OR51S1: variants seen among roughly 807,000 people sequenced by gnomAD.
The protein encoded by OR51S1 is olfactory receptor 51S1.
A neutral mutation model predicts 0.3 loss-of-function variants in OR51S1; 1 was observed. That is an observed-to-expected ratio of 3.51 (90% CI 1.25 to 16.67). OR51S1 has a LOEUF of 16.67. Among genes scored for constraint, OR51S1 ranks in the 30% most tolerant of loss-of-function variants. The pLI is 0.12. For synonymous variants in OR51S1, 180 were observed against 159.4 expected (o/e 1.13, Z -0.97); for missense variants, 479 against 393.8 (o/e 1.22, Z -1.83).
In OR51S1 at chr11:4,848,716, G is replaced by A; in HGVS notation, c.493C>T (p.Leu165=). 5 of 1,614,116 alleles carry A rather than the reference G, an allele frequency of 3.1e-6. No homozygotes were observed. Among genetic ancestry groups the A allele is most frequent in the Non-Finnish European group, 4.2e-6 (5 of 1,180,012 alleles). The change falls in exon 1 of 1, where the codon CTG becomes TTG. Residue 165 remains leucine, a synonymous_variant. Transcript: ENST00000322101. ...TAGGCCAGCAGGAATGGCAGGGGCA[G>A]ATGGAGACCCAGGCATCGAAAAGAA... The part of the protein sequence containing the change: ...AISFRCLGLH[L]PLPFLLAYMP...
Position 4,848,590 on chromosome 11 carries a change from G to A in OR51S1, c.619C>T (p.Leu207=), listed in dbSNP as rs767120829. The change falls in exon 1 of 1, where the codon CTA becomes TTA. Residue 207 remains leucine, a synonymous_variant. Transcript: ENST00000322101. ...CPEAWGAAYS[L]FVVLSAMGLD... ...CCCATGGCTGAAAGAACCACAAATAGGCTGTAGGCTGCACCCCAAGCTTCT... is the reference window on the plus strand; with the variant it reads ...CCCATGGCTGAAAGAACCACAAATAAGCTGTAGGCTGCACCCCAAGCTTCT... 1 of 1,606,156 alleles carries A rather than the reference G, an allele frequency of 6.2e-7. No individual in the cohort carries two copies.
At position 4,848,989 on chromosome 11, in the gene OR51S1, G is replaced by A. The variant is rs1420042132; in HGVS notation, c.220C>T (p.Leu74Phe). ...ACCAATCCAATATCAGACACACTAA[G>A]CAAGAAGAGGAAGAAGTGCATTGGG... ...HRPMHFFLFL[L>F]SVSDIGLVTA... Residue 74 changes from leucine to phenylalanine, a missense_variant, in exon 1 of 1, where the codon CTT becomes TTT. By Grantham distance (22) the Leu-to-Phe change is conservative. Transcript: ENST00000322101. The A allele has an allele frequency of 4.3e-6, 7 of 1,614,158 alleles. No homozygotes were observed. The highest frequency in any genetic ancestry group is 1.1e-5 in the South Asian group (1 of 91,078).
At position 4,848,552 on chromosome 11, in the gene OR51S1, C is replaced by T. The variant is rs1194979696; in HGVS notation, c.657G>A (p.Leu219=). ...VVLSAMGLDP[L]LIFFSYGLIG... is the part of the protein sequence containing the mutation. ...TCAGGCCATAGGAGAAGAAAATAAG[C>T]AGGGGGTCCAAACCCATGGCTGAAA... The change falls in exon 1 of 1, where the codon CTG becomes CTA. Residue 219 remains leucine (L), a synonymous_variant. Coordinates refer to ENST00000322101, the MANE Select transcript of OR51S1 (RefSeq NM_001004758.1). 2 of 1,611,530 alleles carry T rather than the reference C, an allele frequency of 1.2e-6. No individual in the cohort carries two copies. The highest frequency in any genetic ancestry group is 1.7e-6 in the Non-Finnish European group (2 of 1,178,912).
chr11:4,848,532 C>A lies in OR51S1; in HGVS notation c.677G>T (p.Gly226Val). 1.2e-6 allele frequency: 2 copies of A among 1,613,034 alleles called. No homozygotes were observed. The highest frequency in any genetic ancestry group is 1.7e-6 in the Non-Finnish European group (2 of 1,179,528). ...LDPLLIFFSY[G>V]LIGKVLQGVE... ...ACCTTGCAACACCTTGCCAATCAGG[C>A]CATAGGAGAAGAAAATAAGCAGGGG... The change falls in exon 1 of 1, where the codon GGC becomes GTC. Residue 226 changes from glycine to valine, a missense_variant. Gly to Val is a moderately radical substitution (Grantham distance 109). Coordinates refer to ENST00000322101, the MANE Select transcript of OR51S1 (RefSeq NM_001004758.1).
In OR51S1 at chr11:4,848,450, AG is replaced by A; in HGVS notation, c.758del (p.Ser253LeufsTer10). The A allele has an allele frequency of 6.2e-7, 1 of 1,613,816 alleles. No individual in the cohort carries two copies. The highest frequency in any genetic ancestry group is 1.1e-5 in the South Asian group (1 of 91,052). ...TAGGGATATAGAAGAGGAGCACTGC[AG>A]AGAGGTGGGCAGCACAGGTTTGACC... is the stretch of plus-strand genomic sequence containing the variant. ...KAGQTCAAHLSAVLLFYIPMI... is the reference protein window; with the variant it reads ...KAGQTCAAHLXAVLLFYIPMI... On this transcript the variant is annotated frameshift_variant, in exon 1 of 1. Transcript: ENST00000322101. LOFTEE classifies it low-confidence loss of function (END_TRUNC).
Position 4,848,462 on chromosome 11 carries a change from A to ACT in OR51S1, c.746_747insAG (p.Ala250ValfsTer14). 3 of 1,613,800 alleles carry ACT rather than the reference A, an allele frequency of 1.9e-6. No individual in the cohort carries two copies. The highest frequency in any genetic ancestry group is 2.5e-6 in the Non-Finnish European group (3 of 1,179,824). Reference sequence around the variant, plus strand: ...AGAGGAGCACTGCAGAGAGGTGGGCAGCACAGGTTTGACCAGCCTTCCAGC... The same window carrying ACT: ...AGAGGAGCACTGCAGAGAGGTGGGCACTGCACAGGTTTGACCAGCCTTCCAGC... On this transcript the variant is annotated frameshift_variant, in exon 1 of 1. Coordinates refer to ENST00000322101, the MANE Select transcript of OR51S1 (RefSeq NM_001004758.1). LOFTEE classifies it low-confidence loss of function (END_TRUNC).
rs755548661 is a variant in OR51S1 at position 4,848,598 on chromosome 11, G to A, written c.611C>T (p.Ala204Val). The A allele has an allele frequency of 6.2e-7, 1 of 1,607,120 alleles. No individual in the cohort carries two copies. ...TGAAAGAACCACAAATAGGCTGTAG[G>A]CTGCACCCCAAGCTTCTGGGCAGGC... ...RLACPEAWGAAYSLFVVLSAM... is the reference protein window; with the variant it reads ...RLACPEAWGAVYSLFVVLSAM... The change falls in exon 1 of 1, where the codon GCC becomes GTC. Residue 204 changes from alanine (A) to valine (V), a missense_variant. Ala to Val is a moderately conservative substitution (Grantham distance 64). Coordinates refer to ENST00000322101, the MANE Select transcript of OR51S1 (RefSeq NM_001004758.1).
rs775649547 is a variant in OR51S1 at position 4,849,131 on chromosome 11, T to C, written c.78A>G (p.Pro26=). 94 of 1,613,968 alleles carry C rather than the reference T, an allele frequency of 5.8e-5. No homozygotes were observed. The highest frequency in any genetic ancestry group is 7.5e-5 in the Non-Finnish European group (89 of 1,179,998). Reference sequence around the variant, plus strand: ...ACCAGGAGGGTGCACCTGATAGGCCTGGCATGCCCACCAGCAAGAAGGTGG... The same window carrying C: ...ACCAGGAGGGTGCACCTGATAGGCCCGGCATGCCCACCAGCAAGAAGGTGG... ...MAPTFLLVGM[P]GLSGAPSWWT... Residue 26 remains proline (P), a synonymous_variant, in exon 1 of 1, where the codon CCA becomes CCG. Transcript: ENST00000322101.
In OR51S1 at chr11:4,848,701, G is replaced by A; in HGVS notation, c.508C>T (p.Leu170=). The A allele has an allele frequency of 6.2e-7, 1 of 1,614,090 alleles. No homozygotes were observed. Among genetic ancestry groups the A allele is most frequent in the Non-Finnish European group, 8.5e-7 (1 of 1,179,996 alleles). ...CLGLHLPLPF[L]LAYMPYCLPQ... Reference sequence around the variant, plus strand: ...AGGCAGTAGGGCATGTAGGCCAGCAGGAATGGCAGGGGCAGATGGAGACCC... The same window carrying A: ...AGGCAGTAGGGCATGTAGGCCAGCAAGAATGGCAGGGGCAGATGGAGACCC... The change falls in exon 1 of 1, where the codon CTG becomes TTG. Residue 170 remains leucine, a synonymous_variant. Coordinates refer to ENST00000322101, the MANE Select transcript of OR51S1 (RefSeq NM_001004758.1).
Position 4,849,188 on chromosome 11 carries a change from C to G in OR51S1, c.21G>C (p.Gln7His). 1 of 1,611,344 alleles carries G rather than the reference C, an allele frequency of 6.2e-7. No homozygotes were observed. The highest frequency in any genetic ancestry group is 8.5e-7 in the Non-Finnish European group (1 of 1,178,826). Residue 7 changes from glutamine to histidine, a missense_variant, in exon 1 of 1, where the codon CAG becomes CAC. Transcript: ENST00000322101. The stretch of plus-strand genomic sequence containing the variant: ...TTGAAGTGCTGCTATTGGGGGCTAT[C>G]TGAGTTGGTAATGTTGACATAGTTC... Reference protein sequence around the residue: MSTLPTQIAPNSSTSMA... With the variant: MSTLPTHIAPNSSTSMA...
rs1386248447 is a variant in OR51S1 at position 4,848,935 on chromosome 11, T to C, written c.274A>G (p.Ile92Val). 1.2e-6 allele frequency: 2 copies of C among 1,613,916 alleles called. No individual in the cohort carries two copies. The highest frequency in any genetic ancestry group is 3.3e-5 in the Admixed American group (2 of 60,002). The change falls in exon 1 of 1, where the codon ATC (isoleucine) becomes GTC (valine). Residue 92 changes from isoleucine to valine, a missense_variant. Transcript: ENST00000322101. ...ACAGTGTGAGCACCAGCAAGGGCGA[T>C]GCCCAGCAGTGTGGGCATCAGGGCA... is the stretch of plus-strand genomic sequence containing the variant. Reference protein sequence around the residue: ...VTALMPTLLGIALAGAHTVPA... With the variant: ...VTALMPTLLGVALAGAHTVPA...
chr11:4,848,955 A>G lies in OR51S1; in HGVS notation c.254T>C (p.Leu85Pro). Residue 85 changes from leucine to proline, a missense_variant, in exon 1 of 1, where the codon CTG becomes CCG. Transcript: ENST00000322101. Reference sequence around the variant, plus strand: ...GGCGATGCCCAGCAGTGTGGGCATCAGGGCAGTGACCAATCCAATATCAGA... The same window carrying G: ...GGCGATGCCCAGCAGTGTGGGCATCGGGGCAGTGACCAATCCAATATCAGA... ...SVSDIGLVTA[L>P]MPTLLGIALA... is the part of the protein sequence containing the mutation. 2 of 1,614,118 alleles carry G rather than the reference A, an allele frequency of 1.2e-6. No homozygotes were observed. Among genetic ancestry groups the G allele is most frequent in the South Asian group, 1.1e-5 (1 of 91,078 alleles).
rs770139423 is a variant in OR51S1, at chr11:4,848,386, T to C, written c.823A>G (p.Ile275Val). Residue 275 changes from isoleucine (I) to valine (V), a missense_variant, in exon 1 of 1, where the codon ATC becomes GTC. Coordinates refer to ENST00000322101, the MANE Select transcript of OR51S1 (RefSeq NM_001004758.1). ...LALINHPELP[I>V]TQHTHTLLSY... The stretch of plus-strand genomic sequence containing the variant: ...AGAAGAGTATGGGTATGCTGAGTGA[T>C]TGGCAGCTCAGGATGGTTAATCAGT... The C allele has an allele frequency of 1.3e-5, 21 of 1,613,880 alleles. No individual in the cohort carries two copies. Among genetic ancestry groups the C allele is most frequent in the South Asian group, 3.3e-5 (3 of 91,082 alleles).
chr11:4,848,611 C>T lies in OR51S1; in HGVS notation c.598G>A (p.Ala200Thr). ...AATAGGCTGTAGGCTGCACCCCAAG[C>T]TTCTGGGCAGGCCAAACGAGCCACA... ...PDVARLACPEAWGAAYSLFVV... is the reference protein window; with the variant it reads ...PDVARLACPETWGAAYSLFVV... The change falls in exon 1 of 1, where the codon GCT becomes ACT. Residue 200 changes from alanine to threonine, a missense_variant. By Grantham distance (58) the Ala-to-Thr change is moderately conservative. Transcript: ENST00000322101. 6.2e-7 allele frequency: 1 copy of T among 1,608,126 alleles called. No individual in the cohort carries two copies. The highest frequency in any genetic ancestry group is 8.5e-7 in the Non-Finnish European group (1 of 1,177,144).
rs12417164 is a variant in OR51S1, at chr11:4,849,039, A to G, written c.170T>C (p.Ile57Thr). 6 of 1,613,956 alleles carry G rather than the reference A, an allele frequency of 3.7e-6. No individual in the cohort carries two copies. Among genetic ancestry groups the G allele is most frequent in the Admixed American group, 3.3e-5 (2 of 60,002 alleles). Residue 57 changes from isoleucine (I) to threonine (T), a missense_variant, in exon 1 of 1, where the codon ATT becomes ACT. Transcript: ENST00000322101. ...GCGGTGCAGGGCGGGCTGCAGGGCA[A>G]TGATCCAGAGGATGGTGCCATTTCC... is the stretch of plus-strand genomic sequence containing the variant. The part of the protein sequence containing the change: ...ALGNGTILWI[I>T]ALQPALHRPM...
chr11:4,849,168 G>T lies in OR51S1; in HGVS notation c.41C>A (p.Thr14Asn). 1 of 1,613,624 alleles carries T rather than the reference G, an allele frequency of 6.2e-7. No individual in the cohort carries two copies. Among genetic ancestry groups the T allele is most frequent in the Non-Finnish European group, 8.5e-7 (1 of 1,179,822 alleles). The part of the protein sequence containing the change: ...LPTQIAPNSS[T>N]SMAPTFLLVG... ...CAGCAAGAAGGTGGGGGCCATTGAA[G>T]TGCTGCTATTGGGGGCTATCTGAGT... The change falls in exon 1 of 1, where the codon ACT becomes AAT. Residue 14 changes from threonine to asparagine, a missense_variant. Physicochemically the swap from Thr to Asn is moderately conservative, Grantham distance 65. Coordinates refer to ENST00000322101, the MANE Select transcript of OR51S1 (RefSeq NM_001004758.1).
At position 4,848,613 on chromosome 11, in the gene OR51S1, T is replaced by A; in HGVS notation, c.596A>T (p.Glu199Val). ...TAGGCTGTAGGCTGCACCCCAAGCTTCTGGGCAGGCCAAACGAGCCACATC... is the reference window on the plus strand; with the variant it reads ...TAGGCTGTAGGCTGCACCCCAAGCTACTGGGCAGGCCAAACGAGCCACATC... The part of the protein sequence containing the change: ...HPDVARLACP[E>V]AWGAAYSLFV... Residue 199 changes from glutamate to valine, a missense_variant, in exon 1 of 1, where the codon GAA becomes GTA. Transcript: ENST00000322101. 1 of 1,608,452 alleles carries A rather than the reference T, an allele frequency of 6.2e-7. No homozygotes were observed. The highest frequency in any genetic ancestry group is 8.5e-7 in the Non-Finnish European group (1 of 1,177,310).
At position 4,848,891 on chromosome 11, in the gene OR51S1, A is replaced by G. The variant is rs377187372; in HGVS notation, c.318T>C (p.Leu106=). The stretch of plus-strand genomic sequence containing the variant: ...AGACATGGATAAAAACCATCTGTAG[A>G]AGGCAGGCTGAGGCAGGGACAGTGT... ...GAHTVPASAC[L]LQMVFIHVFS... The change falls in exon 1 of 1, where the codon CTT becomes CTC. Residue 106 remains leucine (L), a synonymous_variant. Transcript: ENST00000322101. 7 of 1,614,196 alleles carry G rather than the reference A, an allele frequency of 4.3e-6. No individual in the cohort carries two copies. The highest frequency in any genetic ancestry group is 5.9e-6 in the Non-Finnish European group (7 of 1,180,020).
In OR51S1 at chr11:4,848,744, G is replaced by A; in HGVS notation, c.465C>T (p.Ala155=). 1.2e-6 allele frequency: 2 copies of A among 1,614,032 alleles called. No individual in the cohort carries two copies. The highest frequency in any genetic ancestry group is 1.7e-6 in the Non-Finnish European group (2 of 1,179,978). ...GGAGACCCAGGCATCGAAAAGAAAT[G>A]GCCAGGCTGATTTTGCTAATTACAC... The part of the protein sequence containing the change: ...TNGVISKISL[A]ISFRCLGLHL... Residue 155 remains alanine, a synonymous_variant, in exon 1 of 1, where the codon GCC becomes GCT. Coordinates refer to ENST00000322101, the MANE Select transcript of OR51S1 (RefSeq NM_001004758.1).
Sources: allele counts gnomAD v4.1 joint callset, GRCh38; gene constraint gnomAD v4.1.1; transcripts MANE v1.5; gene names NCBI Gene and HGNC (gene_info 2026-07-23, HGNC 2026-07-21).